Variants in CC2D1A observed in about 807,000 individuals in gnomAD.
The protein encoded by CC2D1A is coiled-coil and C2 domain-containing protein 1A.
In CC2D1A, 68 loss-of-function variants were observed where a neutral mutation model predicts 123.8. That is an observed-to-expected ratio of 0.55 (90% confidence interval 0.45 to 0.67). CC2D1A has a LOEUF of 0.67. Among genes scored for constraint, CC2D1A ranks in the 30% least tolerant of loss-of-function variants. The probability of loss-of-function intolerance (pLI) is 0.00; values close to 1 mark genes in which losing one functional copy is unlikely to be tolerated. For synonymous variants in CC2D1A, 477 were observed against 528.0 expected (o/e 0.90, Z 1.32); for missense variants, 1,185 against 1,290.3 (o/e 0.92, Z 1.25).
intron 6 of CC2D1A, among the ~76,000 whole-genome samples, chr19:13,915,514 C>T (rs1275991726): frequency 4.0e-5 from 6 of 151,668 alleles, no homozygotes; most frequent in South Asian, 4.2e-4. Context: ...TCCCAAAGTG[C>T]GGGGATTACA....
At chr19:13,908,386 T>TC (rs1465145029) in intron 1 of CC2D1A, among the ~76,000 whole-genome samples, 7 of 151,656 alleles carry the variant, frequency 4.6e-5, no homozygotes, top group South Asian at 4.2e-4. Context: ...CCTCAGGTGA[T>TC]CCCCCCACCT....
In CC2D1A at chr19:13,920,674, T is replaced by A. The variant is rs557607665; in HGVS notation, c.1468+6T>A. On this transcript the variant is annotated splice_donor_region_variant and intron_variant, in intron 13 of 28. Coordinates refer to ENST00000318003, the MANE Select transcript of CC2D1A (RefSeq NM_017721.5). Reference sequence around the variant, plus strand: ...CAAAGCCACATCCACCAGAGGTAAGTTCCCCCTCCCCGCCCCAGCTGCCTG... The same window carrying A: ...CAAAGCCACATCCACCAGAGGTAAGATCCCCCTCCCCGCCCCAGCTGCCTG... 1.9e-6 allele frequency: 3 copies of A among 1,607,256 alleles called. No homozygotes were observed. Among genetic ancestry groups the A allele is most frequent in the East Asian group, 2.2e-5 (1 of 44,502 alleles).
chr19:13,920,892 G>T lies in CC2D1A; in HGVS notation c.1611G>T (p.Ser537=). Residue 537 remains serine, a synonymous_variant, in exon 14 of 29, where the codon TCG becomes TCT. Coordinates refer to ENST00000318003, the MANE Select transcript of CC2D1A (RefSeq NM_017721.5). ...GACTGGAGCCTATGCTGGAGGCCTC[G>T]CGCAATGGGCTGCCTGTGGACATCA... ...AKGLEPMLEA[S]RNGLPVDITK... 2 of 1,613,926 alleles carry T rather than the reference G, an allele frequency of 1.2e-6. No homozygotes were observed. The highest frequency in any genetic ancestry group is 1.7e-6 in the Non-Finnish European group (2 of 1,179,974).
Position 13,918,087 on chromosome 19 carries a change from C to T in CC2D1A, c.766C>T (p.Pro256Ser), listed in dbSNP as rs1156767805. 5 of 1,613,150 alleles carry T rather than the reference C, an allele frequency of 3.1e-6. No homozygotes were observed. The highest frequency in any genetic ancestry group is 4.2e-6 in the Non-Finnish European group (5 of 1,179,958). ...QMPPGPCSPG[P>S]LAQLQSRQRD... The stretch of plus-strand genomic sequence containing the variant: ...CCTTCCAGGTCCCTGCAGCCCTGGC[C>T]CTCTGGCCCAGTTGCAGAGCCGCCA... The change falls in exon 7 of 29, where the codon CCT becomes TCT. Residue 256 changes from proline to serine, a missense_variant. Physicochemically the swap from Pro to Ser is moderately conservative, Grantham distance 74 (BLOSUM62 -1). Coordinates refer to ENST00000318003, the MANE Select transcript of CC2D1A (RefSeq NM_017721.5).
chr19:13,926,602 G>A lies in CC2D1A; in HGVS notation c.2014+12G>A, dbSNP rs776471842. The A allele has an allele frequency of 5.0e-6, 8 of 1,614,184 alleles. No homozygotes were observed. The highest frequency in any genetic ancestry group is 1.1e-5 in the South Asian group (1 of 91,080). ...GCCCACACCCCCAGGTGAGGGGGCTGTAGGCAAGGGTCAGGGTCATGGGGA... is the reference window on the plus strand; with the variant it reads ...GCCCACACCCCCAGGTGAGGGGGCTATAGGCAAGGGTCAGGGTCATGGGGA... On this transcript the variant is annotated intron_variant, in intron 18 of 28. Transcript: ENST00000318003.
In CC2D1A at chr19:13,906,628, C is replaced by T. The variant is rs1970749856; in HGVS notation, c.60+127C>T. ...CAGGTAAGCCCCGGTCCCCGCCTCC[C>T]CCCAGGTGAGGCTCCAACACCACCC... On this transcript the variant is annotated intron_variant, in intron 1 of 28. Coordinates refer to ENST00000318003, the MANE Select transcript of CC2D1A (RefSeq NM_017721.5). The surrounding 1 kb of genome is among the most constrained non-coding windows in gnomAD (Gnocchi z 4.1). The T allele has an allele frequency of 1.8e-6, 1 of 564,524 alleles. No individual in the cohort carries two copies. The highest frequency in any genetic ancestry group is 3.0e-6 in the Non-Finnish European group (1 of 338,484). 35.0% of individuals were successfully genotyped at this position (564,524 alleles called of 1,614,324 possible).
chr19:13,906,407 T>C lies in CC2D1A; in HGVS notation c.-35T>C. The C allele has an allele frequency of 6.7e-7, 1 of 1,500,806 alleles. No homozygotes were observed. The highest frequency in any genetic ancestry group is 1.2e-5 in the South Asian group (1 of 80,124). 93.0% of individuals were successfully genotyped at this position (1,500,806 alleles called of 1,614,324 possible). A position where few individuals can be genotyped will look rare whatever the true frequency, so the allele number is the denominator to read the frequency against. On this transcript the variant is annotated 5_prime_UTR_variant, in exon 1 of 29. Coordinates refer to ENST00000318003, the MANE Select transcript of CC2D1A (RefSeq NM_017721.5). This position sits in a 1 kb window ranked among gnomAD's most constrained non-coding sequence, Gnocchi z 4.1. ...GGAAGGAGGCAGGGCAAGGCCGGGC[T>C]TGGGGGCAGGTGGTCCGGGCATCCA...
chr19:13,930,378 C>G lies in CC2D1A; in HGVS notation c.2839C>G (p.Gln947Glu). The change falls in exon 29 of 29, where the codon CAG (glutamine) becomes GAG (glutamate). Residue 947 changes from glutamine to glutamate, a missense_variant. By Grantham distance (29) the Gln-to-Glu change is conservative. Coordinates refer to ENST00000318003, the MANE Select transcript of CC2D1A (RefSeq NM_017721.5). This position sits in a 1 kb window ranked among gnomAD's most constrained non-coding sequence, Gnocchi z 6.8. ...YRRNLVESELQRLRR is the reference protein window; with the variant it reads ...YRRNLVESELERLRR ...CCAGTGGCCTCCTCTCCCCCAGCTG[C>G]AGCGGCTCCGCAGGTGAGGAGCCCA... is the stretch of plus-strand genomic sequence containing the variant. 6.2e-7 allele frequency: 1 copy of G among 1,612,936 alleles called. No homozygotes were observed. Among genetic ancestry groups the G allele is most frequent in the Non-Finnish European group, 8.5e-7 (1 of 1,179,338 alleles).
intron 11 of CC2D1A, 66 bp from the exon 12 acceptor site, chr19:13,919,752 C>A: frequency 6.8e-7 from 1 of 1,478,332 alleles, no homozygotes; most frequent in Non-Finnish European, 9.0e-7. Context: ...TCTGCATCTC[C>A]ACCATAATGG....
At chr19:13,925,486 A>G in intron 17 of CC2D1A, among the ~76,000 whole-genome samples, 1 of 152,114 alleles carries the variant, frequency 6.6e-6, no homozygotes, top group Non-Finnish European at 1.5e-5. Context: ...AGGCTGAGGC[A>G]GGAGAATGGC....
At position 13,908,130 on chromosome 19, in the gene CC2D1A, C is replaced by T. The variant is rs539278585; in HGVS notation, c.60+1629C>T. ...AAGCGATTCTCCTGCCTCAGCCTCC[C>T]GAGTAGCTGGGATTACAGGCATGCG... On this transcript the variant is annotated intron_variant, in intron 1 of 28. Transcript: ENST00000318003. 6.6e-5 allele frequency among the ~76,000 whole-genome samples: 10 copies of T among 152,102 alleles called. No homozygotes were observed. In the East Asian group the frequency reaches 9.7e-4, roughly 15 times the overall value.
chr19:13,924,308 C>T (rs1971517508), intron 17 of CC2D1A, among the ~76,000 whole-genome samples: 1 of 152,064 alleles, frequency 6.6e-6, no homozygotes, highest in South Asian at 2.1e-4. Context: ...GAAGCTGGGA[C>T]TACAGCCGCC....
At chr19:13,929,200 T>G (rs1235757047) in intron 24 of CC2D1A, among the ~76,000 whole-genome samples, 179 bp from the exon 25 acceptor site, 1 of 151,164 alleles carries the variant, frequency 6.6e-6, no homozygotes, top group East Asian at 1.9e-4. Context: ...AGAGACGGGG[T>G]TTCACCATAT....
chr19:13,917,256 G>C (rs1971238477), intron 6 of CC2D1A, among the ~76,000 whole-genome samples: 1 of 152,026 alleles, frequency 6.6e-6, no homozygotes, highest in Admixed American at 6.6e-5. Context: ...GATCACTTGA[G>C]CCCAGGAGTT....
chr19:13,912,287 G>T, intron 2 of CC2D1A, 36 bp from the exon 3 acceptor site: 1 of 1,552,272 alleles, frequency 6.4e-7, no homozygotes, highest in East Asian at 2.4e-5. Context: ...CTTGGTGTAC[G>T]ACCCTGGTCC....
rs751031420 is a variant in CC2D1A, at chr19:13,912,367, A to G, written c.241A>G (p.Met81Val). ...EAIEKMASLCMRDPDEDEEEG... is the reference protein window; with the variant it reads ...EAIEKMASLCVRDPDEDEEEG... ...CATTGAGAAGATGGCCAGCCTGTGCATGAGAGACCCGGATGAGGATGAGGA... is the reference window on the plus strand; with the variant it reads ...CATTGAGAAGATGGCCAGCCTGTGCGTGAGAGACCCGGATGAGGATGAGGA... Residue 81 changes from methionine to valine, a missense_variant, in exon 3 of 29, where the codon ATG becomes GTG. Met to Val is a conservative substitution (Grantham distance 21). Transcript: ENST00000318003. The G allele has an allele frequency of 6.2e-6, 10 of 1,612,996 alleles. No individual in the cohort carries two copies. The highest frequency in any genetic ancestry group is 8.5e-6 in the Non-Finnish European group (10 of 1,179,650).
chr19:13,912,453 C>G lies in CC2D1A; in HGVS notation c.312+15C>G, dbSNP rs377061541. On this transcript the variant is annotated intron_variant, in intron 3 of 28. Coordinates refer to ENST00000318003, the MANE Select transcript of CC2D1A (RefSeq NM_017721.5). ...ATGACCTGCTGGTGAGCACTGAGGGCGGGGTGGGGGCTCTGATCCGGTTGC... is the reference window on the plus strand; with the variant it reads ...ATGACCTGCTGGTGAGCACTGAGGGGGGGGTGGGGGCTCTGATCCGGTTGC... The G allele has an allele frequency of 1.6e-5, 26 of 1,613,560 alleles. No homozygotes were observed. Among genetic ancestry groups the G allele is most frequent in the Non-Finnish European group, 2.0e-5 (24 of 1,179,858 alleles).
At position 13,929,939 on chromosome 19, in the gene CC2D1A, G is replaced by C. The variant is rs1267802123; in HGVS notation, c.2711-139G>C. ...TGGGCACCTGGAGGGGGAGGGGCTC[G>C]GGGATGGGCACCTGGAGGGGGAGGG... On this transcript the variant is annotated intron_variant, in intron 26 of 28. Coordinates refer to ENST00000318003, the MANE Select transcript of CC2D1A (RefSeq NM_017721.5). 2.1e-4 allele frequency: 133 copies of C among 623,604 alleles called. No individual in the cohort carries two copies. The East Asian group carries it at 3.6e-3, about 17-fold the overall frequency. 38.6% of individuals were successfully genotyped at this position (623,604 alleles called of 1,614,324 possible).
At position 13,926,559 on chromosome 19, in the gene CC2D1A, C is replaced by T. The variant is rs553606005; in HGVS notation, c.1983C>T (p.Ile661=). ...DLSSNDMLLF[I]VKGINLPTPP... ...GCAGCAACGACATGCTCCTCTTCAT[C>T]GTGAAGGGCATCAACTTGCCCACAC... is the stretch of plus-strand genomic sequence containing the variant. Residue 661 remains isoleucine (I), a synonymous_variant, in exon 18 of 29, where the codon ATC becomes ATT. Coordinates refer to ENST00000318003, the MANE Select transcript of CC2D1A (RefSeq NM_017721.5). The T allele has an allele frequency of 6.8e-6, 11 of 1,614,168 alleles. No individual in the cohort carries two copies. In the African/African-American group the frequency reaches 8.0e-5, roughly 12 times the overall value.
Sources: gnomAD v4.1 joint callset for allele counts (sites outside exome capture counted in the v4.1 genomes callset) on GRCh38, gnomAD v4.1.1 for gene constraint, Gnocchi (gnomAD v3.1) non-coding constraint, MANE v1.5 for transcripts, NCBI Gene and HGNC (gene_info 2026-07-23, HGNC 2026-07-21) for gene names.